The following EXT1 variants were observed in gnomAD, a reference collection of about 807,000 sequenced individuals.
EXT1 encodes exostosin-1.
Under a neutral mutation model 82.5 loss-of-function variants are expected in EXT1, and 20 were observed. The ratio of observed to expected loss-of-function variants is 0.24; its 90% CI spans 0.17 to 0.35. EXT1 has a LOEUF of 0.35. Among genes scored for constraint, EXT1 ranks in the 10% least tolerant of loss-of-function variants. EXT1 has a pLI of 1.00. For synonymous variants in EXT1, 348 were observed against 350.8 expected (o/e 0.99, Z 0.09); for missense variants, 757 against 936.5 (o/e 0.81, Z 2.50).
chr8:117,828,182 G>GAT (rs897375869), intron 4 of EXT1, among the ~76,000 whole-genome samples: 4 of 151,952 alleles, frequency 2.6e-5, no homozygotes, highest in African/African-American at 7.2e-5. Context: ...TGTTTGTGGG[G>GAT]ATATATATAT....
chr8:117,807,428 C>G (rs1235430269), intron 8 of EXT1, 51 bp from the exon 9 acceptor site: 2 of 1,602,548 alleles, frequency 1.2e-6, no homozygotes, highest in Admixed American at 1.7e-5. Flanking sequence ...TAACAAATGT[C>G]AACAAAACAT....
intron 1 of EXT1, among the ~76,000 whole-genome samples, chr8:118,099,815 T>C (rs1265606251): frequency 2.0e-5 from 3 of 152,208 alleles, no homozygotes; most frequent in African/African-American, 7.2e-5. Flanking sequence ...CCCTCAGATA[T>C]GAGTTGCTGT....
chr8:117,815,332 T>C (rs903992521), intron 7 of EXT1, among the ~76,000 whole-genome samples: 4 of 152,214 alleles, frequency 2.6e-5, no homozygotes, highest in African/African-American at 7.2e-5. Flanking sequence ...AAATGGAGAA[T>C]GAGGAAGATG....
intron 1 of EXT1, among the ~76,000 whole-genome samples, chr8:117,893,622 A>T (rs1813285755): frequency 1.3e-5 from 2 of 152,178 alleles, no homozygotes; most frequent in South Asian, 4.1e-4. Flanking sequence ...GATGCTGAAC[A>T]CTTGAGCTTG....
intron 4 of EXT1, among the ~76,000 whole-genome samples, chr8:117,829,569 CTT>C (rs35823668): frequency 1.2e-4 from 12 of 96,874 alleles, no homozygotes; most frequent in Non-Finnish European, 2.1e-4. Flanking sequence ...ATATATTTTT[CTT>C]TTTTTTTTTT....
chr8:117,794,871 C>T lies in EXT1; in HGVS notation c.*4841G>A, dbSNP rs1384283460. 2 of 152,148 alleles carry T rather than the reference C, an allele frequency of 1.3e-5. No individual in the cohort carries two copies. Among genetic ancestry groups the T allele is most frequent in the Admixed American group, 6.5e-5 (1 of 15,272 alleles). The allele number at this position is 152,148 out of a possible 1,614,324, so 9.4% of individuals were successfully genotyped here. Reference sequence around the variant, plus strand: ...TTACAATTTGCCACCTAAAATAGTTCCAGTTTTTGATGTCTTTCTTTCTGC... The same window carrying T: ...TTACAATTTGCCACCTAAAATAGTTTCAGTTTTTGATGTCTTTCTTTCTGC... On this transcript the variant is annotated 3_prime_UTR_variant, in exon 11 of 11. Transcript: ENST00000378204.
chr8:117,809,830 G>A (rs1186994387), intron 8 of EXT1, among the ~76,000 whole-genome samples: 1 of 152,056 alleles, frequency 6.6e-6, no homozygotes, highest in African/African-American at 2.4e-5. Context: ...ACAACTGATG[G>A]GACAGTATAT....
chr8:117,925,851 T>C (rs1813943997), intron 1 of EXT1, among the ~76,000 whole-genome samples: 1 of 152,098 alleles, frequency 6.6e-6, no homozygotes, highest in Non-Finnish European at 1.5e-5. Context: ...TGAACCAAGA[T>C]TGTGCCACTG....
intron 1 of EXT1, among the ~76,000 whole-genome samples, chr8:117,933,115 G>A (rs1312514001): frequency 6.6e-6 from 1 of 151,886 alleles, no homozygotes; most frequent in African/African-American, 2.4e-5. Context: ...CTCACTTTTC[G>A]CCTCCAAAGT....
chr8:117,819,114 T>C (rs1811877842), intron 6 of EXT1, among the ~76,000 whole-genome samples: 1 of 152,260 alleles, frequency 6.6e-6, no homozygotes, highest in African/African-American at 2.4e-5. Flanking sequence ...TCTTTCCTTG[T>C]TTGTAAACCT....
chr8:117,928,197 C>A (rs1439010586), intron 1 of EXT1, among the ~76,000 whole-genome samples: 1 of 152,164 alleles, frequency 6.6e-6, no homozygotes, highest in Admixed American at 6.5e-5. Context: ...GGGTGACTCA[C>A]CAGAGAATGA....
At chr8:118,047,864 ACAATCAAT>A (rs548122203) in intron 1 of EXT1, among the ~76,000 whole-genome samples, 1 of 152,104 alleles carries the variant, frequency 6.6e-6, no homozygotes, top group African/African-American at 2.4e-5. Context: ...TGGAGGCACC[ACAATCAAT>A]CAATCAATCA....
chr8:118,092,005 T>C (rs1586268626), intron 1 of EXT1, among the ~76,000 whole-genome samples: 1 of 152,190 alleles, frequency 6.6e-6, no homozygotes, highest in East Asian at 1.9e-4. Flanking sequence ...AAAACAAATA[T>C]ACACCATCCC....
intron 1 of EXT1, among the ~76,000 whole-genome samples, chr8:118,043,115 C>T (rs1378553320): frequency 6.6e-6 from 1 of 152,158 alleles, no homozygotes; most frequent in Non-Finnish European, 1.5e-5. Context: ...GCCTGCCCAC[C>T]CACAACAAGA....
At chr8:117,867,418 T>G (rs1414342785) in intron 1 of EXT1, among the ~76,000 whole-genome samples, 2 of 152,076 alleles carry the variant, frequency 1.3e-5, no homozygotes, top group African/African-American at 4.8e-5. Context: ...CATGGGCAAT[T>G]CCATTTTTGG....
chr8:118,032,968 G>C (rs1474828627), intron 1 of EXT1, among the ~76,000 whole-genome samples: 1 of 152,108 alleles, frequency 6.6e-6, no homozygotes, highest in South Asian at 2.1e-4. Context: ...AAAAAATGCA[G>C]CACAATTTCA....
intron 1 of EXT1, among the ~76,000 whole-genome samples, chr8:118,097,744 A>C (rs1239370546): frequency 6.6e-6 from 1 of 152,214 alleles, no homozygotes; most frequent in East Asian, 1.9e-4. Context: ...CAGTGCCTGC[A>C]CACCGTAGGC....
chr8:117,840,975 A>G (rs17503530), intron 1 of EXT1, among the ~76,000 whole-genome samples: 2,291 of 152,330 alleles, frequency 0.015, 73 homozygotes, highest in African/African-American at 0.052. Context: ...GCAGGAAGGT[A>G]AAACGGTGCA....
intron 1 of EXT1, among the ~76,000 whole-genome samples, chr8:118,073,048 A>G (rs1197468453): frequency 6.6e-6 from 1 of 152,224 alleles, no homozygotes; most frequent in South Asian, 2.1e-4. Context: ...TGCCAATATT[A>G]TCTCATCAGG....
Sources: allele counts gnomAD v4.1 joint callset (sites outside exome capture counted in the v4.1 genomes callset), GRCh38; gene constraint gnomAD v4.1.1; transcripts MANE v1.5; gene names NCBI Gene and HGNC (gene_info 2026-07-23, HGNC 2026-07-21).